SLIT3: variants seen among roughly 807,000 people sequenced by gnomAD.
SLIT3 encodes the protein slit guidance ligand 3.
Under a neutral mutation model 184.0 loss-of-function variants are expected in SLIT3, and 68 were observed. That is an observed-to-expected ratio of 0.37 (90% confidence interval 0.30 to 0.45). The LOEUF is 0.45. Among genes scored for constraint, SLIT3 ranks in the 20% least tolerant of loss-of-function variants. The pLI is 1.00. For missense variants in SLIT3, 1,707 were observed against 2,026.0 expected (o/e 0.84, Z 3.02); for synonymous variants, 831 against 828.6 (o/e 1.00, Z -0.05).
intron 4 of SLIT3, among the ~76,000 whole-genome samples, chr5:169,006,613 A>T (rs1181079710): frequency 0.011 from 1,706 of 150,304 alleles, 69 homozygotes; most frequent in Admixed American, 0.076. Context: ...TCTCACACAC[A>T]CACACACACA....
intron 1 of SLIT3, among the ~76,000 whole-genome samples, chr5:169,284,860 C>CT (rs927566147): frequency 1.1e-4 from 17 of 151,780 alleles, no homozygotes; most frequent in Non-Finnish European, 1.6e-4. Flanking sequence ...GTCTTTATGT[C>CT]TTTTTTTTAT....
intron 14 of SLIT3, among the ~76,000 whole-genome samples, chr5:168,771,944 G>A (rs1197026617): frequency 6.6e-6 from 1 of 152,174 alleles, no homozygotes; most frequent in Non-Finnish European, 1.5e-5. Flanking sequence ...GGCACTTCAT[G>A]CTATCAGTCT....
At chr5:168,825,530 C>A (rs371243529) in intron 6 of SLIT3, among the ~76,000 whole-genome samples, 1 of 151,290 alleles carries the variant, frequency 6.6e-6, no homozygotes, top group Non-Finnish European at 1.5e-5. Flanking sequence ...TAAAGAAGAA[C>A]GAACAGACAA....
Position 168,836,726 on chromosome 5 carries a change from C to T in SLIT3, c.557+7858G>A, listed in dbSNP as rs114696179. 5.7e-3 allele frequency among the ~76,000 whole-genome samples: 870 copies of T among 152,208 alleles called. 7 individuals carry two copies. The highest frequency in any genetic ancestry group is 0.02 in the African/African-American group (826 of 41,538). On this transcript the variant is annotated intron_variant, in intron 6 of 35. Coordinates refer to ENST00000519560, the MANE Select transcript of SLIT3 (RefSeq NM_003062.4). ...GCCGACTCCCCCTAAGCGCTACTCA[C>T]GGGAGAAGTTAACAGGAGGTTCGTT...
At chr5:169,246,950 G>C (rs780415137) in intron 2 of SLIT3, among the ~76,000 whole-genome samples, 2 of 123,746 alleles carry the variant, frequency 1.6e-5, no homozygotes, top group South Asian at 2.5e-4. Flanking sequence ...AAAAAAAAAG[G>C]CTGGGCACAG....
intron 17 of SLIT3, among the ~76,000 whole-genome samples, 183 bp downstream of exon 17, chr5:168,753,681 A>AGCATG (rs1754796109): frequency 6.6e-6 from 1 of 152,144 alleles, no homozygotes; most frequent in Admixed American, 6.5e-5. Flanking sequence ...GGAGGTGTTC[A>AGCATG]GCATGCTAAA....
chr5:168,836,363 T>C (rs987809166), intron 6 of SLIT3, among the ~76,000 whole-genome samples: 4 of 152,148 alleles, frequency 2.6e-5, no homozygotes, highest in African/African-American at 9.7e-5. Flanking sequence ...CCAAAGCCCC[T>C]GCTGGGAGCT....
intron 32 of SLIT3, among the ~76,000 whole-genome samples, chr5:168,680,562 G>A (rs551059612): frequency 9.2e-5 from 14 of 152,370 alleles, no homozygotes; most frequent in Admixed American, 4.6e-4. Context: ...TGGGCTCCCT[G>A]ACTCTGGCCC....
chr5:169,297,266 C>A (rs913734915), intron 1 of SLIT3, among the ~76,000 whole-genome samples: 2 of 152,188 alleles, frequency 1.3e-5, no homozygotes, highest in African/African-American at 2.4e-5. Context: ...GACAGAGTTT[C>A]TTTTTCTGCG....
At chr5:168,788,888 T>A (rs1304109747) in intron 11 of SLIT3, among the ~76,000 whole-genome samples, 2 of 152,118 alleles carry the variant, frequency 1.3e-5, no homozygotes, top group African/African-American at 2.4e-5. Flanking sequence ...ATGGGATCAC[T>A]GTCCCCATCC....
chr5:169,030,598 T>C (rs1446426817), intron 4 of SLIT3: 1 of 152,254 alleles, frequency 6.6e-6, no homozygotes, highest in Non-Finnish European at 1.5e-5. Context: ...TGGAATGTTT[T>C]TGTATCTATG....
intron 4 of SLIT3, among the ~76,000 whole-genome samples, chr5:169,098,685 C>T (rs10067964): frequency 0.65 from 98,249 of 152,088 alleles, 31,780 homozygotes; most frequent in Middle Eastern, 0.82. Context: ...TGTCAAATGA[C>T]AGGAGGGTTA....
chr5:169,005,865 T>C (rs1755904297), intron 4 of SLIT3, among the ~76,000 whole-genome samples: 1 of 152,252 alleles, frequency 6.6e-6, no homozygotes, highest in South Asian at 2.1e-4. Context: ...CCTATGTTAT[T>C]GCTCAAGGTT....
intron 4 of SLIT3, among the ~76,000 whole-genome samples, chr5:168,911,444 A>T (rs1761251165): frequency 6.6e-6 from 1 of 152,238 alleles, no homozygotes; most frequent in African/African-American, 2.4e-5. Context: ...ATAAGCTTTT[A>T]ATGAAGAATC....
intron 4 of SLIT3, among the ~76,000 whole-genome samples, chr5:168,937,908 CA>C (rs1562016275): frequency 1.3e-5 from 2 of 151,844 alleles, no homozygotes. Flanking sequence ...AGCAAACCCT[CA>C]GATTCACACT....
chr5:168,729,517 G>A (rs1368564206), intron 20 of SLIT3, among the ~76,000 whole-genome samples: 1 of 151,582 alleles, frequency 6.6e-6, no homozygotes, highest in African/African-American at 2.4e-5. Flanking sequence ...AAAAAAAACT[G>A]TCAGCCCAGA....
At chr5:169,013,817 T>C (rs1191683112) in intron 4 of SLIT3, among the ~76,000 whole-genome samples, 1 of 152,196 alleles carries the variant, frequency 6.6e-6, no homozygotes, top group Non-Finnish European at 1.5e-5. Context: ...ACCTCTTCCT[T>C]CTTCCTCACA....
chr5:168,768,262 A>G, intron 14 of SLIT3: 1 of 502,674 alleles, frequency 2.0e-6, no homozygotes, highest in East Asian at 5.8e-5. Context: ...GGTCAGAGTC[A>G]AGGTCAGGAA....
intron 4 of SLIT3, among the ~76,000 whole-genome samples, chr5:169,002,345 A>AAAAAAAAAAAAAAAAAAAAAAAAAAAAG (rs1561600096): frequency 2.8e-5 from 4 of 145,324 alleles, no homozygotes; most frequent in African/African-American, 7.6e-5. Context: ...AAAAAAAAAA[A>AAAAAAAAAAAAAAAAAAAAAAAAAAAAG]AAAAAAAAAA....
Sources: allele counts gnomAD v4.1 joint callset (sites outside exome capture counted in the v4.1 genomes callset), GRCh38; gene constraint gnomAD v4.1.1; transcripts MANE v1.5; gene names NCBI Gene and HGNC (gene_info 2026-07-23, HGNC 2026-07-21).